Variants in CDYL2 observed in about 807,000 individuals in gnomAD.
CDYL2 encodes the protein chromodomain Y like 2.
In CDYL2, 23 loss-of-function variants were observed where a neutral mutation model predicts 49.4. The observed-to-expected ratio is 0.47, with a 90% CI of 0.34 to 0.66. The LOEUF is 0.66. Among genes scored for constraint, CDYL2 ranks in the 30% least tolerant of loss-of-function variants. The pLI is 0.01. For missense variants in CDYL2, 678 were observed against 656.4 expected (o/e 1.03, Z -0.36); for synonymous variants, 360 against 268.8 (o/e 1.34, Z -3.32).
intron 1 of CDYL2, among the ~76,000 whole-genome samples, chr16:80,701,767 G>A (rs1904302300): frequency 6.6e-6 from 1 of 152,186 alleles, no homozygotes; most frequent in African/African-American, 2.4e-5. Flanking sequence ...AAGTCCCAAT[G>A]AGTTCATTTT....
chr16:80,673,265 A>G (rs1429180711), intron 2 of CDYL2, among the ~76,000 whole-genome samples: 1 of 152,162 alleles, frequency 6.6e-6, no homozygotes, highest in Non-Finnish European at 1.5e-5. Flanking sequence ...GGTTGCAGTG[A>G]GCCAAGATCA....
chr16:80,777,971 A>AC (rs1907144748), intron 1 of CDYL2, among the ~76,000 whole-genome samples: 1 of 151,932 alleles, frequency 6.6e-6, no homozygotes, highest in Non-Finnish European at 1.5e-5. Context: ...ATAAAAAAAA[A>AC]TGTATTATCA....
At chr16:80,737,582 C>T (rs1235728761) in intron 1 of CDYL2, among the ~76,000 whole-genome samples, 1 of 152,128 alleles carries the variant, frequency 6.6e-6, no homozygotes, top group Non-Finnish European at 1.5e-5. Flanking sequence ...GTTGCTGCTG[C>T]TGCTAGTGGT....
Position 80,739,132 on chromosome 16 carries a change from G to A in CDYL2, c.25-54003C>T, listed in dbSNP as rs28588560. Among the ~76,000 whole-genome samples, 668 of 152,272 alleles carry A rather than the reference G, an allele frequency of 4.4e-3. 6 individuals are homozygous for A. The highest frequency in any genetic ancestry group is 0.015 in the African/African-American group (631 of 41,552). ...TATGGATGAACGCTGAGGACGTCAC[G>A]CTGAATGAAATAAGCCAGTCATGAA... On this transcript the variant is annotated intron_variant, in intron 1 of 6. Transcript: ENST00000570137.
At position 80,604,520 on chromosome 16, in the gene CDYL2, C is replaced by T. The variant is rs750329390; in HGVS notation, c.1389G>A (p.Val463=). 6.2e-7 allele frequency: 1 copy of T among 1,614,088 alleles called. No individual in the cohort carries two copies. The change falls in exon 7 of 7, where the codon GTG becomes GTA. Residue 463 remains valine (V), a synonymous_variant. Coordinates refer to ENST00000570137, the MANE Select transcript of CDYL2 (RefSeq NM_152342.4). ...CCAGCACTGATTTCAGGAAGCTCCG[C>T]ACGAGGCATTTGGACTCCTCTAACA... ...AVVLEESKCL[V]RSFLKSVLED...
At chr16:80,759,122 A>ATATATATATATATATATATGGTTTT (rs1567597502) in intron 1 of CDYL2, among the ~76,000 whole-genome samples, 22 of 127,836 alleles carry the variant, frequency 1.7e-4, no homozygotes, top group African/African-American at 7.0e-4. Context: ...ATATATATAT[A>ATATATATATATATATATATGGTTTT]TATATATATA....
chr16:80,665,239 T>C (rs906863648), intron 2 of CDYL2, among the ~76,000 whole-genome samples: 6 of 152,152 alleles, frequency 3.9e-5, no homozygotes, highest in African/African-American at 1.2e-4. Context: ...GCTCCATGCA[T>C]CCTTCAGGTG....
intron 1 of CDYL2, among the ~76,000 whole-genome samples, chr16:80,723,412 G>A (rs146068598): frequency 6.6e-6 from 1 of 152,296 alleles, no homozygotes; most frequent in East Asian, 1.9e-4. Flanking sequence ...TGAATCTGAG[G>A]TGCAAGCTGG....
chr16:80,689,873 C>A (rs372351188), intron 1 of CDYL2, among the ~76,000 whole-genome samples: 202 of 152,254 alleles, frequency 1.3e-3, no homozygotes, highest in African/African-American at 4.7e-3. Context: ...GTAATCCCAG[C>A]ACTTTGGGAG....
chr16:80,734,389 T>C (rs758485291), intron 1 of CDYL2, among the ~76,000 whole-genome samples: 1 of 152,150 alleles, frequency 6.6e-6, no homozygotes, highest in Non-Finnish European at 1.5e-5. Context: ...GAGGTTGAGA[T>C]AGTTAAGACA....
intron 1 of CDYL2, among the ~76,000 whole-genome samples, chr16:80,692,379 T>C (rs2142488510): frequency 6.6e-6 from 1 of 152,296 alleles, no homozygotes; most frequent in East Asian, 1.9e-4. Context: ...AAGAATTCTA[T>C]TCTATAGCCC....
At chr16:80,735,821 C>T (rs1485076947) in intron 1 of CDYL2, among the ~76,000 whole-genome samples, 2 of 152,226 alleles carry the variant, frequency 1.3e-5, no homozygotes, top group Non-Finnish European at 2.9e-5. Flanking sequence ...AGTCAGGGAG[C>T]TGCAAACAGC....
At chr16:80,623,551 G>C (rs1267183605) in intron 3 of CDYL2, among the ~76,000 whole-genome samples, 4 of 152,246 alleles carry the variant, frequency 2.6e-5, no homozygotes, top group Non-Finnish European at 4.4e-5. Flanking sequence ...GCAGAGTCTT[G>C]GACCCCAGCC....
intron 4 of CDYL2, among the ~76,000 whole-genome samples, chr16:80,614,892 G>T (rs1184063720): frequency 2.9e-5 from 4 of 139,374 alleles, no homozygotes; most frequent in African/African-American, 8.3e-5. Flanking sequence ...AAAAAAAAAA[G>T]TTGAGCTGAT....
intron 2 of CDYL2, among the ~76,000 whole-genome samples, chr16:80,656,204 G>C (rs1169760521): frequency 6.6e-6 from 1 of 152,234 alleles, no homozygotes; most frequent in African/African-American, 2.4e-5. Context: ...GCACACTCCA[G>C]GCACTTCTCC....
At chr16:80,736,634 G>C (rs1484050844) in intron 1 of CDYL2, 2 of 152,142 alleles carry the variant, frequency 1.3e-5, no homozygotes, top group Admixed American at 6.5e-5. Flanking sequence ...AATAAGGCTG[G>C]GTATAGTGGC....
At chr16:80,711,369 G>C (rs115634105) in intron 1 of CDYL2, among the ~76,000 whole-genome samples, 1 of 152,228 alleles carries the variant, frequency 6.6e-6, no homozygotes, top group Admixed American at 6.5e-5. Context: ...CAGGGAAGCA[G>C]ACGTTGACAG....
At chr16:80,685,150 G>A (rs369057519) in intron 1 of CDYL2, 21 bp from the exon 2 acceptor site, 103 of 1,569,670 alleles carry the variant, frequency 6.6e-5, no homozygotes, top group Non-Finnish European at 8.1e-5. Context: ...AGATGAGAGG[G>A]TCAGAAAACA....
chr16:80,773,407 TA>T (rs1446263014), intron 1 of CDYL2, among the ~76,000 whole-genome samples: 1 of 152,132 alleles, frequency 6.6e-6, no homozygotes, highest in Non-Finnish European at 1.5e-5. Context: ...TGCCTCTCAA[TA>T]AATGATAGAA....
Sources: allele counts gnomAD v4.1 joint callset (sites outside exome capture counted in the v4.1 genomes callset), GRCh38; gene constraint gnomAD v4.1.1; transcripts MANE v1.5; gene names NCBI Gene and HGNC (gene_info 2026-07-23, HGNC 2026-07-21).